The following NRF1 variants were observed in gnomAD, a reference collection of about 807,000 sequenced individuals.
The protein encoded by NRF1 is nuclear respiratory factor 1.
NRF1 carries 5 observed loss-of-function variants against 58.5 expected under a neutral mutation model. The observed-to-expected ratio is 0.09, with a 90% CI of 0.04 to 0.18. NRF1 has a LOEUF of 0.18. Among genes scored for constraint, NRF1 ranks in the 10% least tolerant of loss-of-function variants. The pLI, the probability that NRF1 is intolerant of heterozygous loss-of-function variation, is 1.00. For missense variants in NRF1, 288 were observed against 657.7 expected (o/e 0.44, Z 6.15); for synonymous variants, 224 against 246.7 (o/e 0.91, Z 0.86).
intron 5 of NRF1, among the ~76,000 whole-genome samples, chr7:129,694,506 A>C (rs1802642066): frequency 6.6e-6 from 1 of 152,096 alleles, no homozygotes; most frequent in Non-Finnish European, 1.5e-5. Flanking sequence ...CTGGGACTAC[A>C]GGCATGCGCC....
chr7:129,748,762 C>T (rs976882919), intron 10 of NRF1, among the ~76,000 whole-genome samples: 2 of 152,198 alleles, frequency 1.3e-5, no homozygotes, highest in African/African-American at 4.8e-5. Flanking sequence ...ATACTGAATA[C>T]TGAAAGAAGT....
chr7:129,713,326 T>C (rs1746156841), intron 8 of NRF1, among the ~76,000 whole-genome samples: 3 of 152,138 alleles, frequency 2.0e-5, no homozygotes, highest in African/African-American at 4.8e-5. Flanking sequence ...CTTGACCTCA[T>C]GATCCGCCTG....
intron 4 of NRF1, among the ~76,000 whole-genome samples, chr7:129,684,094 C>G (rs1802390587): frequency 6.6e-6 from 1 of 151,954 alleles, no homozygotes; most frequent in Admixed American, 6.6e-5. Context: ...AAGAAAGAAA[C>G]TCCATCTAGC....
Position 129,731,766 on chromosome 7 carries a change from G to A in NRF1, c.1348+4401G>A, listed in dbSNP as rs868657488. On this transcript the variant is annotated intron_variant, in intron 10 of 10. Transcript: ENST00000393232. ...GACCACAGGTGCGCACTGCCACACCGCGCTAATTTTTTAAATTATATTTTT... is the reference window on the plus strand; with the variant it reads ...GACCACAGGTGCGCACTGCCACACCACGCTAATTTTTTAAATTATATTTTT... Among the ~76,000 whole-genome samples the A allele has an allele frequency of 7.2e-5, 11 of 152,012 alleles. No homozygotes were observed. The South Asian group carries it at 1.2e-3, about 17-fold the overall frequency.
intron 1 of NRF1, among the ~76,000 whole-genome samples, chr7:129,614,469 A>AGTGTGTGTGTGTGTGTG: frequency 1.2e-4 from 2 of 16,786 alleles, no homozygotes; most frequent in African/African-American, 4.2e-4. Context: ...GTGTGTGTAC[A>AGTGTGTGTGTGTGTGTG]TACATATATA....
chr7:129,705,320 T>C (rs1266535540), intron 5 of NRF1, among the ~76,000 whole-genome samples: 1 of 152,196 alleles, frequency 6.6e-6, no homozygotes, highest in East Asian at 1.9e-4. Flanking sequence ...AGATGGAGTC[T>C]TGCTCTGTTG....
At chr7:129,670,922 C>T (rs1174233854) in intron 2 of NRF1, among the ~76,000 whole-genome samples, 2 of 152,168 alleles carry the variant, frequency 1.3e-5, no homozygotes, top group Non-Finnish European at 2.9e-5. Context: ...GTTATTCATT[C>T]AGATACTCCT....
intron 10 of NRF1, among the ~76,000 whole-genome samples, chr7:129,750,011 G>A (rs1338487973): frequency 6.6e-6 from 1 of 152,124 alleles, no homozygotes; most frequent in Non-Finnish European, 1.5e-5. Flanking sequence ...AAGGGAAGGA[G>A]CCCTGCCCTG....
At chr7:129,645,476 G>A (rs1447756296) in intron 1 of NRF1, among the ~76,000 whole-genome samples, 3 of 152,058 alleles carry the variant, frequency 2.0e-5, no homozygotes, top group South Asian at 2.1e-4. Context: ...ACTCTAAATC[G>A]CTCTTTCCCA....
At chr7:129,634,042 A>AAAATTT (rs1562954898) in intron 1 of NRF1, among the ~76,000 whole-genome samples, 2 of 91,388 alleles carry the variant, frequency 2.2e-5, no homozygotes, top group African/African-American at 7.9e-5. Flanking sequence ...AAAAAAAAAA[A>AAAATTT]GATATATATA....
At chr7:129,616,025 T>G (rs559989292) in intron 1 of NRF1, among the ~76,000 whole-genome samples, 288 of 152,302 alleles carry the variant, frequency 1.9e-3, no homozygotes, top group Middle Eastern at 6.8e-3. Context: ...AATAAGTGGA[T>G]TGCTTATACC....
Position 129,755,287 on chromosome 7 carries a change from G to T in NRF1, c.*106G>T. On this transcript the variant is annotated 3_prime_UTR_variant, in exon 11 of 11. Transcript: ENST00000393232. This position sits in a 1 kb window ranked among gnomAD's most constrained non-coding sequence, Gnocchi z 5.8. ...TAAGTCTCTCGACTTTGGAAGGAAA[G>T]TTTTGTTAACCTTTTTTTTTTTAAA... 1 of 1,024,416 alleles carries T rather than the reference G, an allele frequency of 9.8e-7. No individual in the cohort carries two copies. Among genetic ancestry groups the T allele is most frequent in the Middle Eastern group, 2.3e-4 (1 of 4,388 alleles). 63.5% of individuals were successfully genotyped at this position (1,024,416 alleles called of 1,614,324 possible). A position where few individuals can be genotyped will look rare whatever the true frequency, so the allele number is the denominator to read the frequency against.
rs571639119 is a variant in NRF1 at position 129,652,795 on chromosome 7, T to C, written c.-6-4551T>C. Among the ~76,000 whole-genome samples, 8 of 152,284 alleles carry C rather than the reference T, an allele frequency of 5.3e-5. No individual in the cohort carries two copies. In the East Asian group the frequency reaches 1.5e-3, roughly 29 times the overall value. ...TTTTAGTAGAGACAGGGTTTCACCA[T>C]GTTAGCCAGGATGGTCTCGATCTCC... On this transcript the variant is annotated intron_variant, in intron 1 of 10. Coordinates refer to ENST00000393232, the MANE Select transcript of NRF1 (RefSeq NM_005011.5).
intron 2 of NRF1, among the ~76,000 whole-genome samples, chr7:129,659,335 T>C (rs1015502042): frequency 4.6e-5 from 7 of 152,276 alleles, no homozygotes; most frequent in Admixed American, 6.5e-5. Context: ...CATCTCGGCC[T>C]CCCAGAGTGC....
At chr7:129,671,309 CTTTA>C (rs1334850944) in intron 2 of NRF1, 116 bp from the exon 3 acceptor site, 10 of 602,440 alleles carry the variant, frequency 1.7e-5, no homozygotes, top group Admixed American at 3.0e-5. Flanking sequence ...CAGGATCATT[CTTTA>C]TTTACCGACA....
chr7:129,720,220 A>G (rs557025708), intron 9 of NRF1, among the ~76,000 whole-genome samples: 64 of 152,204 alleles, frequency 4.2e-4, no homozygotes, highest in Admixed American at 7.9e-4. Flanking sequence ...CTGGGGATGA[A>G]GAAACCAAGC....
intron 9 of NRF1, among the ~76,000 whole-genome samples, chr7:129,723,956 TA>T (rs1803392524): frequency 6.6e-6 from 1 of 152,190 alleles, no homozygotes; most frequent in Admixed American, 6.5e-5. Context: ...CCTACAACTA[TA>T]AAACTCTTTG....
intron 1 of NRF1, among the ~76,000 whole-genome samples, chr7:129,644,922 G>A: frequency 6.6e-6 from 1 of 151,990 alleles, no homozygotes; most frequent in East Asian, 1.9e-4. Flanking sequence ...CTAGGGAGGA[G>A]CTCTGTAGCT....
At chr7:129,744,367 T>G (rs1474553242) in intron 10 of NRF1, 1 of 632,568 alleles carries the variant, frequency 1.6e-6, no homozygotes, top group African/African-American at 1.8e-5. Context: ...ACCTGATAGT[T>G]TTAGTAACCA....
Sources: gnomAD v4.1 joint callset for allele counts (sites outside exome capture counted in the v4.1 genomes callset) on GRCh38, gnomAD v4.1.1 for gene constraint, Gnocchi (gnomAD v3.1) non-coding constraint, MANE v1.5 for transcripts, NCBI Gene and HGNC (gene_info 2026-07-23, HGNC 2026-07-21) for gene names.